The following CHCHD6 variants were observed in gnomAD, a reference collection of about 807,000 sequenced individuals.
CHCHD6 encodes the protein MICOS complex subunit MIC25.
In CHCHD6, 28 loss-of-function variants were observed where a neutral mutation model predicts 32.3. That is an observed-to-expected ratio of 0.87 (90% CI 0.64 to 1.19). CHCHD6 has a LOEUF of 1.19. Among genes scored for constraint, CHCHD6 ranks in the 50% most tolerant of loss-of-function variants. The pLI is 0.00. For missense variants in CHCHD6, 333 were observed against 307.0 expected (o/e 1.08, Z -0.63); for synonymous variants, 122 against 117.5 (o/e 1.04, Z -0.25).
At chr3:126,913,029 G>A (rs550589768) in intron 5 of CHCHD6, among the ~76,000 whole-genome samples, 218 of 152,226 alleles carry the variant, frequency 1.4e-3, no homozygotes, top group Non-Finnish European at 1.8e-3. Flanking sequence ...CCTGGTGGGC[G>A]GAGAGAGCCA....
intron 4 of CHCHD6, among the ~76,000 whole-genome samples, chr3:126,834,623 C>G (rs772627509): frequency 1.1e-4 from 16 of 152,112 alleles, no homozygotes; most frequent in Non-Finnish European, 1.3e-4. Flanking sequence ...ATCAGTCCCT[C>G]CTTTCTGTGT....
At chr3:126,944,240 CA>C (rs2078603100) in intron 6 of CHCHD6, among the ~76,000 whole-genome samples, 1 of 152,228 alleles carries the variant, frequency 6.6e-6, no homozygotes, top group Admixed American at 6.5e-5. Flanking sequence ...AGGGGCTGGG[CA>C]CATGGTCCAG....
chr3:126,900,659 C>A (rs1043896520), intron 5 of CHCHD6, among the ~76,000 whole-genome samples: 1 of 138,978 alleles, frequency 7.2e-6, no homozygotes, highest in African/African-American at 2.7e-5. Flanking sequence ...GGCTGGAGTG[C>A]AATGGCGCTA....
chr3:126,764,656 G>C lies in CHCHD6; in HGVS notation c.411+31434G>C, dbSNP rs576558298. On this transcript the variant is annotated intron_variant, in intron 4 of 7. Coordinates refer to ENST00000290913, the MANE Select transcript of CHCHD6 (RefSeq NM_032343.3). ...GGCTCCTGCAAAGGCTAGGACTTCG[G>C]GTGCTGCGTCCTCAACCCTCTGGGT... Among the ~76,000 whole-genome samples, 13 of 152,250 alleles carry C rather than the reference G, an allele frequency of 8.5e-5. No homozygotes were observed. In the South Asian group the frequency reaches 2.7e-3, roughly 32 times the overall value.
chr3:126,704,394 G>A lies in CHCHD6; in HGVS notation c.82G>A (p.Val28Ile), dbSNP rs1934367636. 1.3e-6 allele frequency: 2 copies of A among 1,539,386 alleles called. No individual in the cohort carries two copies. Among genetic ancestry groups the A allele is most frequent in the Middle Eastern group, 2.3e-4 (1 of 4,334 alleles). Residue 28 changes from valine (V) to isoleucine (I), a missense_variant, in exon 1 of 8, where the codon GTC (valine) becomes ATC (isoleucine). Coordinates refer to ENST00000290913, the MANE Select transcript of CHCHD6 (RefSeq NM_032343.3). ...GGAGCGGGTCCGGGTGCTGCAGGGTGTCCGGGTGAGCGGCGCCGCCTGGGC... is the reference window on the plus strand; with the variant it reads ...GGAGCGGGTCCGGGTGCTGCAGGGTATCCGGGTGAGCGGCGCCGCCTGGGC... ...EEERVRVLQG[V>I]RLSENVVNRM...
chr3:126,770,876 T>G (rs1937530858), intron 4 of CHCHD6, among the ~76,000 whole-genome samples: 1 of 152,216 alleles, frequency 6.6e-6, no homozygotes, highest in African/African-American at 2.4e-5. Flanking sequence ...CCTCCTCAAT[T>G]TTTTGAAATA....
intron 5 of CHCHD6, among the ~76,000 whole-genome samples, chr3:126,900,386 A>G (rs1223334300): frequency 1.3e-5 from 2 of 152,176 alleles, no homozygotes; most frequent in African/African-American, 2.4e-5. Flanking sequence ...CCATTCTTGC[A>G]TTGCTGTAAA....
chr3:126,756,561 C>T (rs565389417), intron 4 of CHCHD6, among the ~76,000 whole-genome samples: 1 of 152,202 alleles, frequency 6.6e-6, no homozygotes. Flanking sequence ...TCTCCCTACT[C>T]TGTCATACCC....
intron 1 of CHCHD6, among the ~76,000 whole-genome samples, chr3:126,708,495 T>C (rs983823528): frequency 6.6e-6 from 1 of 152,112 alleles, no homozygotes; most frequent in African/African-American, 2.4e-5. Context: ...AAAGGTTCTG[T>C]CTGGTGACAC....
chr3:126,899,056 G>A (rs1269017149), intron 5 of CHCHD6, among the ~76,000 whole-genome samples: 1 of 152,176 alleles, frequency 6.6e-6, no homozygotes, highest in East Asian at 1.9e-4. Flanking sequence ...TGAGGGTCTT[G>A]GGCTAACATT....
rs78826127 is a variant in CHCHD6 at position 126,705,263 on chromosome 3, G to T, written c.87+864G>T. On this transcript the variant is annotated intron_variant, in intron 1 of 7. Coordinates refer to ENST00000290913, the MANE Select transcript of CHCHD6 (RefSeq NM_032343.3). The stretch of plus-strand genomic sequence containing the variant: ...AGCACTCATCACAGTGATCGCTTCT[G>T]TTGATAATTGTTTACTTGTTTATTG... Among the ~76,000 whole-genome samples the T allele has an allele frequency of 2.7e-3, 411 of 152,328 alleles. 2 individuals carry two copies. The highest frequency in any genetic ancestry group is 9.2e-3 in the African/African-American group (382 of 41,580).
At chr3:126,743,016 G>A (rs1936344743) in intron 4 of CHCHD6, among the ~76,000 whole-genome samples, 1 of 152,134 alleles carries the variant, frequency 6.6e-6, no homozygotes, top group Admixed American at 6.5e-5. Flanking sequence ...GTGCCTGGGG[G>A]AGGGTGTTCA....
intron 4 of CHCHD6, among the ~76,000 whole-genome samples, chr3:126,832,733 A>G (rs577309901): frequency 6.6e-6 from 1 of 152,280 alleles, no homozygotes; most frequent in South Asian, 2.1e-4. Flanking sequence ...ATCTTTGGAA[A>G]CAGGACTCAA....
chr3:126,713,433 A>C (rs1303985203), intron 1 of CHCHD6, among the ~76,000 whole-genome samples: 1 of 152,056 alleles, frequency 6.6e-6, no homozygotes. Flanking sequence ...AAGGTCCTTC[A>C]TGTGTGGGCG....
chr3:126,732,950 T>C (rs971767316), intron 3 of CHCHD6, 128 bp from the exon 4 acceptor site: 1 of 1,029,298 alleles, frequency 9.7e-7, no homozygotes, highest in Non-Finnish European at 1.5e-6. Context: ...CTCTCTCCTT[T>C]CCTGACCAGC....
chr3:126,943,621 G>A (rs2078594177), intron 6 of CHCHD6, among the ~76,000 whole-genome samples: 1 of 152,178 alleles, frequency 6.6e-6, no homozygotes, highest in South Asian at 2.1e-4. Flanking sequence ...ACGGTGAGAG[G>A]TGAGTCCTGG....
rs1559825161 is a variant in CHCHD6, at chr3:126,755,837, C to CGT, written c.411+22615_411+22616insGT. Among the ~76,000 whole-genome samples the CGT allele has an allele frequency of 2.0e-4, 26 of 128,854 alleles. No individual in the cohort carries two copies. The East Asian group carries it at 2.2e-3, about 11-fold the overall frequency. The allele number at this position is 128,854 out of a possible 152,430, so 84.5% of individuals were successfully genotyped here. A position where few individuals can be genotyped will look rare whatever the true frequency, so the allele number is the denominator to read the frequency against. On this transcript the variant is annotated intron_variant, in intron 4 of 7. Transcript: ENST00000290913. ...ATGTGTGTGTGTACATCTGTGTGTG[C>CGT]ATGTGTGTGTGTGTGTGTGTGTGTG...
Position 126,906,162 on chromosome 3 carries a change from A to G in CHCHD6, c.496-8518A>G, listed in dbSNP as rs114770133. On this transcript the variant is annotated intron_variant, in intron 5 of 7. Coordinates refer to ENST00000290913, the MANE Select transcript of CHCHD6 (RefSeq NM_032343.3). ...CACCCATTGTCTCCTCTATGTTTCA[A>G]ACTTAGCAGGTCCAAGCCTGTGGTG... Among the ~76,000 whole-genome samples the G allele has an allele frequency of 6.1e-3, 933 of 152,196 alleles. 9 individuals are homozygous for G. Among genetic ancestry groups the G allele is most frequent in the African/African-American group, 0.021 (891 of 41,502 alleles).
At chr3:126,906,526 C>A (rs1377009731) in intron 5 of CHCHD6, among the ~76,000 whole-genome samples, 1 of 152,218 alleles carries the variant, frequency 6.6e-6, no homozygotes, top group Non-Finnish European at 1.5e-5. Context: ...TGCTGCTTTA[C>A]GCCGGGTGTA....
Sources: gnomAD v4.1 joint callset for allele counts (sites outside exome capture counted in the v4.1 genomes callset) on GRCh38, gnomAD v4.1.1 for gene constraint, MANE v1.5 for transcripts, NCBI Gene and HGNC (gene_info 2026-07-23, HGNC 2026-07-21) for gene names.